NELL1: variants seen among roughly 807,000 people sequenced by gnomAD.
NELL1 encodes neural EGFL like 1.
A neutral mutation model predicts 107.4 loss-of-function variants in NELL1; 76 were observed. The ratio of observed to expected loss-of-function variants is 0.71; its 90% confidence interval spans 0.59 to 0.86. The LOEUF is 0.86. Ranked by LOEUF, NELL1 falls within the 40% of genes least tolerant of loss-of-function variation. NELL1 has a pLI of 0.00. For synonymous variants in NELL1, 353 were observed against 341.2 expected (o/e 1.03, Z -0.38); for missense variants, 1,024 against 1,005.5 (o/e 1.02, Z -0.25).
At chr11:21,250,855 G>C (rs1035433294) in intron 14 of NELL1, among the ~76,000 whole-genome samples, 5 of 152,170 alleles carry the variant, frequency 3.3e-5, no homozygotes, top group Non-Finnish European at 7.4e-5. Flanking sequence ...GGCCAGGCTG[G>C]TTTGAGGGGA....
chr11:21,100,124 C>T (rs1401251366), intron 12 of NELL1, among the ~76,000 whole-genome samples: 1 of 151,764 alleles, frequency 6.6e-6, no homozygotes, highest in Non-Finnish European at 1.5e-5. Flanking sequence ...TCAACTGATT[C>T]TCATGCCTCA....
intron 15 of NELL1, among the ~76,000 whole-genome samples, chr11:21,528,524 T>G (rs1167124595): frequency 1.1e-5 from 1 of 87,010 alleles, no homozygotes; most frequent in African/African-American, 4.2e-5. Context: ...CCCCCCCCCT[T>G]TTTTTTTTTC....
intron 3 of NELL1, among the ~76,000 whole-genome samples, chr11:20,794,967 A>C (rs1857142415): frequency 6.6e-6 from 1 of 152,172 alleles, no homozygotes. Flanking sequence ...GCCTTTTCCA[A>C]AGCTGTCAAC....
intron 2 of NELL1, among the ~76,000 whole-genome samples, chr11:20,762,649 G>T (rs1169334995): frequency 6.6e-6 from 1 of 152,186 alleles, no homozygotes. Flanking sequence ...CATGCGTATG[G>T]TGAATAAGAG....
At chr11:21,303,350 A>G (rs1849538918) in intron 14 of NELL1, among the ~76,000 whole-genome samples, 1 of 151,966 alleles carries the variant, frequency 6.6e-6, no homozygotes, top group African/African-American at 2.4e-5. Context: ...AAGACATACA[A>G]ATTGCTAACA....
At chr11:21,494,531 A>G (rs1854925742) in intron 15 of NELL1, among the ~76,000 whole-genome samples, 1 of 151,990 alleles carries the variant, frequency 6.6e-6, no homozygotes, top group African/African-American at 2.4e-5. Context: ...GTTATAATAC[A>G]TTTTACTATT....
intron 15 of NELL1, among the ~76,000 whole-genome samples, chr11:21,458,125 G>A (rs1853798129): frequency 6.6e-6 from 1 of 152,126 alleles, no homozygotes; most frequent in Admixed American, 6.6e-5. Flanking sequence ...GAAAATTATT[G>A]TTTTTAGTAG....
intron 3 of NELL1, among the ~76,000 whole-genome samples, chr11:20,792,346 G>C (rs1395530036): frequency 6.6e-6 from 1 of 151,842 alleles, no homozygotes; most frequent in African/African-American, 2.4e-5. Context: ...CTCCATAATA[G>C]TGGTAAATAA....
chr11:21,535,844 A>G (rs1856122543), intron 16 of NELL1, among the ~76,000 whole-genome samples: 1 of 152,196 alleles, frequency 6.6e-6, no homozygotes, highest in Non-Finnish European at 1.5e-5. Context: ...TACTCTGTTC[A>G]TATTTCTTTT....
chr11:21,039,257 C>T (rs184704262), intron 12 of NELL1, among the ~76,000 whole-genome samples: 55 of 152,170 alleles, frequency 3.6e-4, no homozygotes, highest in Non-Finnish European at 6.2e-4. Context: ...GCAATCTCGG[C>T]TCACTGCAAC....
intron 14 of NELL1, among the ~76,000 whole-genome samples, chr11:21,311,741 A>C (rs190740229): frequency 6.0e-4 from 91 of 152,234 alleles, no homozygotes; most frequent in Admixed American, 4.8e-3. Flanking sequence ...AGCACCTACT[A>C]TATGTGCCAG....
At chr11:20,683,383 A>T (rs971275643) in intron 2 of NELL1, among the ~76,000 whole-genome samples, 2 of 151,912 alleles carry the variant, frequency 1.3e-5, no homozygotes, top group African/African-American at 4.8e-5. Context: ...TGTGTTGCTG[A>T]GGTTTGGTAT....
chr11:21,407,708 T>TTA (rs1285684160), intron 15 of NELL1, among the ~76,000 whole-genome samples: 1 of 150,498 alleles, frequency 6.6e-6, no homozygotes, highest in Non-Finnish European at 1.5e-5. Context: ...TTTTTTTTTT[T>TTA]ACCTCATCTC....
intron 13 of NELL1, among the ~76,000 whole-genome samples, chr11:21,202,419 G>A (rs977020172): frequency 1.8e-4 from 28 of 152,150 alleles, no homozygotes; most frequent in East Asian, 7.7e-4. Flanking sequence ...GCATAGAGGT[G>A]TTTATAGTAT....
intron 12 of NELL1, among the ~76,000 whole-genome samples, chr11:21,013,879 C>T (rs993921058): frequency 6.6e-6 from 1 of 151,976 alleles, no homozygotes; most frequent in Non-Finnish European, 1.5e-5. Context: ...GTGACAGTGT[C>T]TTTGCTTTTC....
rs116865140 is a variant in NELL1 at position 20,938,560 on chromosome 11, C to T, written c.1071+701C>T. On this transcript the variant is annotated intron_variant, in intron 10 of 19. Transcript: ENST00000357134. ...GGATGGGTGGACTGAGAAGATCTCT[C>T]TGAGATGTAATTTTGTTCCAAAATT... Among the ~76,000 whole-genome samples, 118 of 152,158 alleles carry T rather than the reference C, an allele frequency of 7.8e-4. 1 individual carries two copies. In the East Asian group the frequency reaches 0.021, roughly 27 times the overall value.
intron 12 of NELL1, among the ~76,000 whole-genome samples, chr11:20,999,690 A>C (rs1852172287): frequency 6.6e-6 from 1 of 150,600 alleles, no homozygotes; most frequent in African/African-American, 2.5e-5. Context: ...TTTTCTAAAA[A>C]GTTCATTATA....
intron 15 of NELL1, among the ~76,000 whole-genome samples, chr11:21,510,505 AT>A (rs1855409010): frequency 6.6e-6 from 1 of 152,114 alleles, no homozygotes; most frequent in South Asian, 2.1e-4. Flanking sequence ...AAAAATAAAC[AT>A]TTGTTGAGAG....
In NELL1 at chr11:21,076,130, C is replaced by T. The variant is rs554701690; in HGVS notation, c.1301-37459C>T. 2.2e-4 allele frequency among the ~76,000 whole-genome samples: 33 copies of T among 152,236 alleles called. No individual in the cohort carries two copies. In the South Asian group the frequency reaches 6.6e-3, roughly 31 times the overall value. The stretch of plus-strand genomic sequence containing the variant: ...ACAGCTGTGGAAACGGTCTTTTATT[C>T]TCTGTATGTGATTGGCACAGTTAAT... On this transcript the variant is annotated intron_variant, in intron 12 of 19. Coordinates refer to ENST00000357134, the MANE Select transcript of NELL1 (RefSeq NM_006157.5).
Sources: allele counts gnomAD v4.1 joint callset (sites outside exome capture counted in the v4.1 genomes callset), GRCh38; gene constraint gnomAD v4.1.1; transcripts MANE v1.5; gene names NCBI Gene and HGNC (gene_info 2026-07-23, HGNC 2026-07-21).